The following ZNF385D variants were observed in gnomAD, a reference collection of about 807,000 sequenced individuals.
ZNF385D encodes zinc finger protein 385D, also known as zinc finger protein 659.
A neutral mutation model predicts 35.8 loss-of-function variants in ZNF385D; 15 were observed. The observed-to-expected ratio is 0.42, with a 90% CI of 0.28 to 0.64. ZNF385D has a LOEUF of 0.64. Among genes scored for constraint, ZNF385D ranks in the 30% least tolerant of loss-of-function variants. The probability of loss-of-function intolerance (pLI) is 0.23; values close to 1 mark genes in which losing one functional copy is unlikely to be tolerated. For missense variants in ZNF385D, 474 were observed against 494.6 expected (o/e 0.96, Z 0.39); for synonymous variants, 212 against 186.8 (o/e 1.13, Z -1.10).
At chr3:21,459,043 G>A (rs985554674) in intron 4 of ZNF385D, among the ~76,000 whole-genome samples, 2 of 152,096 alleles carry the variant, frequency 1.3e-5, no homozygotes, top group African/African-American at 4.8e-5. Flanking sequence ...TACTATGAGG[G>A]AGCACAACTA....
chr3:21,944,855 A>G (rs549089), intron 3 of ZNF385D, among the ~76,000 whole-genome samples: 39,500 of 152,006 alleles, frequency 0.26, 5,834 homozygotes, highest in Admixed American at 0.41. Flanking sequence ...ATAGAAATGT[A>G]GATATATATG....
At chr3:22,033,337 G>C (rs1398355469) in intron 3 of ZNF385D, among the ~76,000 whole-genome samples, 2 of 151,544 alleles carry the variant, frequency 1.3e-5, no homozygotes, top group African/African-American at 4.9e-5. Flanking sequence ...AGGAGACAGA[G>C]GTTGCAGTGA....
At chr3:21,508,894 T>A (rs957541826) in intron 4 of ZNF385D, among the ~76,000 whole-genome samples, 2 of 152,118 alleles carry the variant, frequency 1.3e-5, no homozygotes, top group African/African-American at 4.8e-5. Context: ...GGTTGACGTA[T>A]TCTAGTCTCT....
chr3:21,485,671 T>C (rs550749101), intron 4 of ZNF385D, among the ~76,000 whole-genome samples: 6 of 152,222 alleles, frequency 3.9e-5, no homozygotes, highest in Admixed American at 3.9e-4. Context: ...CTAATTCACA[T>C]TAATAATAAT....
intron 2 of ZNF385D, among the ~76,000 whole-genome samples, chr3:22,325,340 G>T (rs773628444): frequency 2.7e-4 from 41 of 152,294 alleles, no homozygotes; most frequent in Non-Finnish European, 4.9e-4. Flanking sequence ...GTGGTGAGAA[G>T]GGGCAGGTGG....
intron 3 of ZNF385D, among the ~76,000 whole-genome samples, chr3:21,554,703 G>T (rs80319335): frequency 6.6e-6 from 1 of 152,002 alleles, no homozygotes; most frequent in Non-Finnish European, 1.5e-5. Flanking sequence ...TTTTTTCAGC[G>T]GCCTTAACTG....
chr3:21,706,844 ATAG>A (rs1437606356), intron 1 of ZNF385D, among the ~76,000 whole-genome samples: 1 of 145,090 alleles, frequency 6.9e-6, no homozygotes, highest in African/African-American at 2.5e-5. Flanking sequence ...AGATAGATAG[ATAG>A]ATAGATAAAT....
At chr3:22,107,611 A>G (rs1261406859) in intron 3 of ZNF385D, among the ~76,000 whole-genome samples, 1 of 152,084 alleles carries the variant, frequency 6.6e-6, no homozygotes, top group African/African-American at 2.4e-5. Context: ...TAGAAACAAT[A>G]TATGCTTACT....
At chr3:21,494,379 T>C (rs941917108) in intron 4 of ZNF385D, among the ~76,000 whole-genome samples, 11 of 152,108 alleles carry the variant, frequency 7.2e-5, no homozygotes, top group African/African-American at 1.9e-4. Flanking sequence ...CCAAAATCCT[T>C]AGGAGTGTTT....
At chr3:22,362,654 T>C (rs1039374384) in intron 2 of ZNF385D, among the ~76,000 whole-genome samples, 7 of 152,138 alleles carry the variant, frequency 4.6e-5, no homozygotes, top group African/African-American at 1.7e-4. Context: ...AGCATCTCAA[T>C]GCCTAGCTTT....
At chr3:21,536,685 T>C (rs182809666) in intron 3 of ZNF385D, among the ~76,000 whole-genome samples, 186 of 152,154 alleles carry the variant, frequency 1.2e-3, no homozygotes, top group African/African-American at 4.3e-3. Flanking sequence ...ACCTTCTAAT[T>C]GGAGTTGGGC....
At chr3:21,581,119 A>G (rs915787868) in intron 2 of ZNF385D, among the ~76,000 whole-genome samples, 1 of 152,186 alleles carries the variant, frequency 6.6e-6, no homozygotes, top group Non-Finnish European at 1.5e-5. Flanking sequence ...TCCAGGAACT[A>G]GCCAGGTCTA....
At chr3:21,446,545 G>A (rs1175818174) in intron 4 of ZNF385D, among the ~76,000 whole-genome samples, 1 of 137,876 alleles carries the variant, frequency 7.3e-6, no homozygotes, top group Non-Finnish European at 1.5e-5. Flanking sequence ...GCAGGCTGGA[G>A]TGCGGTGGCA....
At chr3:21,693,352 G>A (rs1470710147) in intron 1 of ZNF385D, among the ~76,000 whole-genome samples, 1 of 152,182 alleles carries the variant, frequency 6.6e-6, no homozygotes, top group Non-Finnish European at 1.5e-5. Flanking sequence ...GCCCATATCA[G>A]TGATCATCTT....
chr3:21,594,811 C>T (rs894713179), intron 2 of ZNF385D, among the ~76,000 whole-genome samples: 5 of 152,038 alleles, frequency 3.3e-5, no homozygotes, highest in African/African-American at 1.2e-4. Context: ...ACCCATAAAC[C>T]CATGACCTGG....
At chr3:21,963,140 A>G (rs1702691751) in intron 3 of ZNF385D, among the ~76,000 whole-genome samples, 1 of 152,188 alleles carries the variant, frequency 6.6e-6, no homozygotes, top group Non-Finnish European at 1.5e-5. Flanking sequence ...TGTACATAAA[A>G]TGCTCATTTT....
chr3:21,535,847 T>C (rs538665392), intron 3 of ZNF385D, among the ~76,000 whole-genome samples: 1 of 152,152 alleles, frequency 6.6e-6, no homozygotes, highest in African/African-American at 2.4e-5. Context: ...TTCTAGGTCT[T>C]GCTTTCCTCT....
intron 3 of ZNF385D, among the ~76,000 whole-genome samples, chr3:21,559,576 C>T (rs950343245): frequency 5.3e-5 from 8 of 152,112 alleles, no homozygotes; most frequent in African/African-American, 1.7e-4. Flanking sequence ...AACCTTCCTC[C>T]CTGTCTGCCC....
intron 2 of ZNF385D, among the ~76,000 whole-genome samples, chr3:22,289,429 C>A (rs988497874): frequency 6.6e-6 from 1 of 152,134 alleles, no homozygotes; most frequent in Non-Finnish European, 1.5e-5. Context: ...AAAAAAGGTT[C>A]AAGAAGTAAC....
Sources: gnomAD v4.1 joint callset for allele counts (sites outside exome capture counted in the v4.1 genomes callset) on GRCh38, gnomAD v4.1.1 for gene constraint, MANE v1.5 for transcripts, NCBI Gene and HGNC (gene_info 2026-07-23, HGNC 2026-07-21) for gene names.